WAC: variants seen among roughly 807,000 people sequenced by gnomAD.
WAC encodes the protein WW domain containing adaptor with coiled-coil.
A neutral mutation model predicts 79.6 loss-of-function variants in WAC; 11 were observed. The observed-to-expected ratio is 0.14, with a 90% CI of 0.09 to 0.23. WAC has a LOEUF of 0.23. WAC is among the 10% of genes least tolerant of loss of function. The pLI is 1.00. For synonymous variants in WAC, 304 were observed against 276.9 expected (o/e 1.10, Z -0.97); for missense variants, 728 against 773.5 (o/e 0.94, Z 0.70).
At chr10:28,558,917 T>C (rs1838145760) in intron 3 of WAC, among the ~76,000 whole-genome samples, 1 of 152,218 alleles carries the variant, frequency 6.6e-6, no homozygotes. Flanking sequence ...CAGAAAATCC[T>C]AGAATGACGA....
intron 3 of WAC, among the ~76,000 whole-genome samples, chr10:28,542,173 C>T (rs12783032): frequency 0.23 from 34,244 of 152,168 alleles, 4,689 homozygotes; most frequent in Non-Finnish European, 0.28. Context: ...TGTGCTCACT[C>T]ACTTCAGTAA....
At chr10:28,566,389 A>G (rs996270286) in intron 3 of WAC, among the ~76,000 whole-genome samples, 2 of 152,212 alleles carry the variant, frequency 1.3e-5, no homozygotes, top group Admixed American at 1.3e-4. Flanking sequence ...CTTGGACACA[A>G]AACAAATTAA....
rs114707678 is a variant in WAC at position 28,570,643 on chromosome 10, T to C, written c.275-12756T>C. Among the ~76,000 whole-genome samples the C allele has an allele frequency of 6.7e-3, 1,018 of 152,296 alleles. 11 individuals carry two copies. Among genetic ancestry groups the C allele is most frequent in the African/African-American group, 0.024 (986 of 41,550 alleles). On this transcript the variant is annotated intron_variant, in intron 3 of 13. Transcript: ENST00000354911. ...TGTTGTAATTATGAAATTATTCCAG[T>C]GGCATGTCAGGAAGATCCCTGTCCT...
chr10:28,576,912 T>C (rs984990704), intron 3 of WAC, among the ~76,000 whole-genome samples: 2 of 152,192 alleles, frequency 1.3e-5, no homozygotes, highest in Admixed American at 6.6e-5. Context: ...TAATGTGATA[T>C]TTTGCATTTG....
intron 3 of WAC, among the ~76,000 whole-genome samples, chr10:28,560,310 G>A (rs978099608): frequency 2.0e-5 from 3 of 152,146 alleles, no homozygotes; most frequent in Non-Finnish European, 4.4e-5. Flanking sequence ...CTAGCGAGCC[G>A]TCCTGATGCC....
intron 11 of WAC, 113 bp downstream of exon 11, chr10:28,614,798 C>T (rs1841404096): frequency 5.7e-6 from 5 of 876,468 alleles, no homozygotes; most frequent in South Asian, 1.7e-5. Context: ...CCATGAATAC[C>T]CTAAAGTAGG....
Position 28,533,192 on chromosome 10 carries a change from G to GAGAAGA in WAC, c.-385_-380dup, listed in dbSNP as rs1043729565. The GAGAAGA allele has an allele frequency of 5.8e-6, 1 of 171,466 alleles. No individual in the cohort carries two copies. The highest frequency in any genetic ancestry group is 1.2e-5 in the Non-Finnish European group (1 of 81,606). 10.6% of individuals were successfully genotyped at this position (171,466 alleles called of 1,614,324 possible). A position where few individuals can be genotyped will look rare whatever the true frequency, so the allele number is the denominator to read the frequency against. On this transcript the variant is annotated 5_prime_UTR_variant, in exon 1 of 14. Transcript: ENST00000354911. Reference sequence around the variant, plus strand: ...GCGGCGGCGGCGGGAGGAGGAGGAGGAGAAGAAGGACCAGGCGGCGGCAGC... The same window carrying GAGAAGA: ...GCGGCGGCGGCGGGAGGAGGAGGAGGAGAAGAAGAAGAAGGACCAGGCGGCGGCAGC...
rs979631488 is a variant in WAC at position 28,611,896 on chromosome 10, ACTC to A, written c.1417_1419del (p.Pro473del). 9 of 1,613,950 alleles carry A rather than the reference ACTC, an allele frequency of 5.6e-6. No homozygotes were observed. The highest frequency in any genetic ancestry group is 7.6e-6 in the Non-Finnish European group (9 of 1,179,992). On this transcript the variant is annotated inframe_deletion, in exon 10 of 14. Coordinates refer to ENST00000354911, the MANE Select transcript of WAC (RefSeq NM_016628.5). Reference sequence around the variant, plus strand: ...AGTCCCTATCAAACCTTTGATCAGTACTCCTCCTGTTTCATCACAGCCAAAGGT... The same window carrying A: ...AGTCCCTATCAAACCTTTGATCAGTACTCCTGTTTCATCACAGCCAAAGGT...
chr10:28,595,865 A>C lies in WAC; in HGVS notation c.743A>C (p.His248Pro). Reference protein sequence around the residue: ...ETHSSSTPVQHPIKPVVHPTA... With the variant: ...ETHSSSTPVQPPIKPVVHPTA... ...CACAGTAGTTCTACGCCAGTACAGC[A>C]CCCCATCAAACCAGTGGTTCATCCA... Residue 248 changes from histidine to proline, a missense_variant, in exon 7 of 14, where the codon CAC becomes CCC. Physicochemically the swap from His to Pro is moderately conservative, Grantham distance 77. Coordinates refer to ENST00000354911, the MANE Select transcript of WAC (RefSeq NM_016628.5). 6.2e-7 allele frequency: 1 copy of C among 1,614,132 alleles called. No individual in the cohort carries two copies. Among genetic ancestry groups the C allele is most frequent in the Non-Finnish European group, 8.5e-7 (1 of 1,179,992 alleles).
At position 28,617,886 on chromosome 10, in the gene WAC, C is replaced by G. The variant is rs796903714; in HGVS notation, c.1874+102C>G. The G allele has an allele frequency of 9.3e-6, 12 of 1,293,380 alleles. No homozygotes were observed. The African/African-American group carries it at 1.2e-4, about 13-fold the overall frequency. 80.1% of individuals were successfully genotyped at this position (1,293,380 alleles called of 1,614,324 possible). ...CATTTTATTTATGAAATGTAAAGTT[C>G]TCTTCGATACATTGATCACATTCTA... On this transcript the variant is annotated intron_variant, in intron 13 of 13. Coordinates refer to ENST00000354911, the MANE Select transcript of WAC (RefSeq NM_016628.5).
intron 6 of WAC, among the ~76,000 whole-genome samples, chr10:28,593,540 G>C (rs905004626): frequency 6.6e-6 from 1 of 152,014 alleles, no homozygotes; most frequent in Non-Finnish European, 1.5e-5. Flanking sequence ...GGCCGAGACG[G>C]GTGGATCATC....
chr10:28,597,801 A>C (rs1840457822), intron 7 of WAC, among the ~76,000 whole-genome samples: 1 of 152,184 alleles, frequency 6.6e-6, no homozygotes, highest in African/African-American at 2.4e-5. Flanking sequence ...CCTTATTCTT[A>C]AACATTCTCA....
chr10:28,612,374 C>G (rs1841284172), intron 10 of WAC, among the ~76,000 whole-genome samples: 1 of 152,106 alleles, frequency 6.6e-6, no homozygotes, highest in African/African-American at 2.4e-5. Context: ...GAAAATCAAA[C>G]TCTCAGTTAA....
intron 2 of WAC, 167 bp from the exon 3 acceptor site, chr10:28,535,394 AG>A: frequency 1.4e-6 from 1 of 694,282 alleles, no homozygotes; most frequent in African/African-American, 1.9e-5. Flanking sequence ...CTTAAGCATT[AG>A]GTTTTTTGTC....
chr10:28,587,267 C>T (rs1350564153), intron 4 of WAC, among the ~76,000 whole-genome samples: 3 of 152,160 alleles, frequency 2.0e-5, no homozygotes, highest in Non-Finnish European at 2.9e-5. Flanking sequence ...AGACATTGAA[C>T]ATCTTAGTAA....
rs995486311 is a variant in WAC, at chr10:28,622,837, A to G, written c.*3231A>G. On this transcript the variant is annotated 3_prime_UTR_variant, in exon 14 of 14. Transcript: ENST00000354911. ...TGAAAGGGGAGAGGGCAACGCGGGA[A>G]ATAATTCACTCTGCGCACCGGAACT... 3.9e-5 allele frequency: 6 copies of G among 152,166 alleles called. No individual in the cohort carries two copies. Among genetic ancestry groups the G allele is most frequent in the African/African-American group, 1.4e-4 (6 of 41,440 alleles). The allele number at this position is 152,166 out of a possible 1,614,324, so 9.4% of individuals were successfully genotyped here.
intron 3 of WAC, among the ~76,000 whole-genome samples, chr10:28,556,642 C>CA (rs1440572876): frequency 6.6e-6 from 1 of 151,856 alleles, no homozygotes; most frequent in African/African-American, 2.4e-5. Context: ...AGACCAAAGT[C>CA]AAAGAGCTGT....
At chr10:28,614,893 A>T in intron 11 of WAC, 1 of 386,362 alleles carries the variant, frequency 2.6e-6, no homozygotes, top group Non-Finnish European at 4.6e-6. Flanking sequence ...GGTTATTTTG[A>T]AGAAAGTGGC....
intron 3 of WAC, among the ~76,000 whole-genome samples, chr10:28,576,073 G>A (rs1389760640): frequency 1.3e-5 from 2 of 152,132 alleles, no homozygotes; most frequent in African/African-American, 4.8e-5. Flanking sequence ...TACCATCTAG[G>A]TTTGCGTTAG....
Sources: allele counts gnomAD v4.1 joint callset (sites outside exome capture counted in the v4.1 genomes callset), GRCh38; gene constraint gnomAD v4.1.1; transcripts MANE v1.5; gene names NCBI Gene and HGNC (gene_info 2026-07-23, HGNC 2026-07-21).